Variants in GLG1 observed in about 807,000 individuals in gnomAD.
The protein encoded by GLG1 is golgi glycoprotein 1.
A neutral mutation model predicts 160.5 loss-of-function variants in GLG1; 38 were observed. The ratio of observed to expected loss-of-function variants is 0.24; its 90% CI spans 0.18 to 0.31. The LOEUF (loss-of-function observed/expected upper bound fraction) is 0.31, where lower values mean the gene tolerates loss of function less well. Ranked by LOEUF, GLG1 falls within the 10% of genes least tolerant of loss-of-function variation. The pLI is 1.00. For missense variants in GLG1, 1,373 were observed against 1,505.2 expected (o/e 0.91, Z 1.45); for synonymous variants, 644 against 543.4 (o/e 1.19, Z -2.57).
chr16:74,528,086 C>T (rs2017398898), intron 2 of GLG1, among the ~76,000 whole-genome samples: 1 of 151,844 alleles, frequency 6.6e-6, no homozygotes, highest in South Asian at 2.1e-4. Flanking sequence ...GGGGTTTCAC[C>T]GTGTTAGCCA....
chr16:74,552,149 T>C (rs1469968310), intron 1 of GLG1: 40 of 337,520 alleles, frequency 1.2e-4, no homozygotes. Flanking sequence ...TTCTACGGGA[T>C]GGATTAGCAT....
chr16:74,505,524 A>T (rs983286344), intron 3 of GLG1, among the ~76,000 whole-genome samples: 1 of 152,188 alleles, frequency 6.6e-6, no homozygotes, highest in African/African-American at 2.4e-5. Context: ...GTTTGAGACC[A>T]GCCTCGCCAA....
intron 2 of GLG1, among the ~76,000 whole-genome samples, chr16:74,525,623 G>A (rs1462289448): frequency 6.7e-6 from 1 of 150,100 alleles, no homozygotes; most frequent in African/African-American, 2.5e-5. Flanking sequence ...CAATGATGTT[G>A]AGCATCTTTT....
At chr16:74,472,199 C>A in intron 14 of GLG1, 150 bp downstream of exon 14, 3 of 616,688 alleles carry the variant, frequency 4.9e-6, no homozygotes, top group Middle Eastern at 2.6e-4. Flanking sequence ...CACACCCGGC[C>A]TGTTTACATT....
rs2014383436 is a variant in GLG1, at chr16:74,452,937, A to C, written c.*230T>G. The C allele has an allele frequency of 8.2e-7, 1 of 1,218,988 alleles. No homozygotes were observed. 75.5% of individuals were successfully genotyped at this position (1,218,988 alleles called of 1,614,324 possible). On this transcript the variant is annotated 3_prime_UTR_variant, in exon 26 of 26. Transcript: ENST00000422840. ...CAGGCAGGTAAACCCAAGTTTGCCAAACAAAGGCAGTAACCCCAGCGACCA... is the reference window on the plus strand; with the variant it reads ...CAGGCAGGTAAACCCAAGTTTGCCACACAAAGGCAGTAACCCCAGCGACCA...
At chr16:74,588,416 A>T (rs1219079994) in intron 1 of GLG1, among the ~76,000 whole-genome samples, 6 of 152,242 alleles carry the variant, frequency 3.9e-5, no homozygotes, top group African/African-American at 1.4e-4. Flanking sequence ...TTGGATTTGA[A>T]TTTAAGCTCT....
chr16:74,558,243 G>GT (rs2018405968), intron 1 of GLG1, among the ~76,000 whole-genome samples: 2 of 152,118 alleles, frequency 1.3e-5, no homozygotes, highest in Non-Finnish European at 2.9e-5. Context: ...ACTTTTGGCA[G>GT]TATCACCACA....
intron 1 of GLG1, chr16:74,552,329 G>A (rs568719630): frequency 2.5e-5 from 15 of 590,724 alleles, no homozygotes; most frequent in African/African-American, 2.4e-4. Context: ...CAAGAAGGAT[G>A]TCCACCTTCC....
In GLG1 at chr16:74,498,635, C is replaced by T. The variant is rs1305120961; in HGVS notation, c.775-1991G>A. On this transcript the variant is annotated intron_variant, in intron 4 of 25. Coordinates refer to ENST00000422840, the MANE Select transcript of GLG1 (RefSeq NM_001145667.2). ...ATCCCAGCACTTTGGGAGGCCGAGGCGGGTGGATCATCTGAGGTCAGGAGT... is the reference window on the plus strand; with the variant it reads ...ATCCCAGCACTTTGGGAGGCCGAGGTGGGTGGATCATCTGAGGTCAGGAGT... Among the ~76,000 whole-genome samples, 9 of 148,566 alleles carry T rather than the reference C, an allele frequency of 6.1e-5. No homozygotes were observed. The East Asian group carries it at 1.8e-3, about 29-fold the overall frequency.
At position 74,452,654 on chromosome 16, in the gene GLG1, T is replaced by C. The variant is rs980952573; in HGVS notation, c.*513A>G. 1.0e-6 allele frequency: 1 copy of C among 996,764 alleles called. No homozygotes were observed. Among genetic ancestry groups the C allele is most frequent in the African/African-American group, 1.7e-5 (1 of 57,530 alleles). The allele number at this position is 996,764 out of a possible 1,614,324, so 61.7% of individuals were successfully genotyped here. On this transcript the variant is annotated 3_prime_UTR_variant, in exon 26 of 26. Transcript: ENST00000422840. ...GAGGCCCCAAGGTGCTTCTGAGAGA[T>C]GAACGAGACACCTCAGTCATGGCAC...
rs531720341 is a variant in GLG1 at position 74,574,883 on chromosome 16, CAAAAAAAAAAA to C, written c.438+31763_438+31773del. On this transcript the variant is annotated intron_variant, in intron 1 of 25. Transcript: ENST00000422840. ...TGGGTAAGAGAGCAAGACTCTGTCT[CAAAAAAAAAAA>C]AAAAAAAAAAAAAAAAAAAGACAGA... 7.3e-3 allele frequency among the ~76,000 whole-genome samples: 182 copies of C among 24,786 alleles called. 2 individuals are homozygous for C. The highest frequency in any genetic ancestry group is 0.014 in the South Asian group (4 of 276). The allele number at this position is 24,786 out of a possible 152,430, so 16.3% of individuals were successfully genotyped here.
At chr16:74,581,238 A>C (rs1957931710) in intron 1 of GLG1, among the ~76,000 whole-genome samples, 1 of 152,222 alleles carries the variant, frequency 6.6e-6, no homozygotes, top group Admixed American at 6.5e-5. Flanking sequence ...GGTAGAAGCA[A>C]TTCAAGTGTC....
Position 74,606,781 on chromosome 16 carries a change from C to G in GLG1, c.314G>C (p.Gly105Ala). 1 of 1,605,850 alleles carries G rather than the reference C, an allele frequency of 6.2e-7. No individual in the cohort carries two copies. Among genetic ancestry groups the G allele is most frequent in the South Asian group, 1.1e-5 (1 of 90,516 alleles). Residue 105 changes from glycine (G) to alanine (A), a missense_variant, in exon 1 of 26, where the codon GGG becomes GCG. By Grantham distance (60) the Gly-to-Ala change is moderately conservative (BLOSUM62 0). Around this residue, in one of 4 missense-constraint regions of GLG1, gnomAD observed 322 missense variants for 254.6 expected, o/e 1.26. Coordinates refer to ENST00000422840, the MANE Select transcript of GLG1 (RefSeq NM_001145667.2). ...GGPPARRGGA[G>A]AGGGWKLAEE... is the part of the protein sequence containing the mutation. ...CGCCAGCTTCCAGCCCCCACCAGCC[C>G]CCGCTCCTCCCCGCCGGGCCGGAGG...
At chr16:74,473,585 A>G (rs1278322555) in intron 13 of GLG1, among the ~76,000 whole-genome samples, 1 of 150,472 alleles carries the variant, frequency 6.6e-6, no homozygotes, top group African/African-American at 2.4e-5. Flanking sequence ...GACTACAGGC[A>G]CCCGCCACCA....
intron 1 of GLG1, among the ~76,000 whole-genome samples, chr16:74,533,485 C>T (rs2911471): frequency 3.9e-5 from 6 of 152,044 alleles, no homozygotes; most frequent in Non-Finnish European, 5.9e-5. Context: ...CACCATAAGG[C>T]GGCACCATTT....
intron 23 of GLG1, among the ~76,000 whole-genome samples, chr16:74,458,445 T>G (rs1472366374): frequency 6.6e-6 from 1 of 152,110 alleles, no homozygotes; most frequent in Admixed American, 6.6e-5. Flanking sequence ...ATCCCAGCAC[T>G]TTGGGAGGCC....
chr16:74,502,153 T>C (rs765426008), intron 4 of GLG1, among the ~76,000 whole-genome samples: 27 of 152,322 alleles, frequency 1.8e-4, no homozygotes, highest in Non-Finnish European at 3.8e-4. Flanking sequence ...CCATCATATT[T>C]CCTGAACAGT....
At position 74,451,119 on chromosome 16, in the gene GLG1, T is replaced by G. The variant is rs1160846209; in HGVS notation, c.*2048A>C. The G allele has an allele frequency of 6.6e-6, 1 of 152,330 alleles. No homozygotes were observed. The highest frequency in any genetic ancestry group is 1.5e-5 in the Non-Finnish European group (1 of 68,150). 9.4% of individuals were successfully genotyped at this position (152,330 alleles called of 1,614,324 possible). ...TACATGACATTCCTGGCTCTTGATA[T>G]TAGGCCTCAGCGGCCCCCAGCCCCC... On this transcript the variant is annotated 3_prime_UTR_variant, in exon 26 of 26. Transcript: ENST00000422840.
intron 8 of GLG1, among the ~76,000 whole-genome samples, chr16:74,486,683 T>C (rs62052082): frequency 1.3e-5 from 2 of 152,108 alleles, no homozygotes; most frequent in Non-Finnish European, 2.9e-5. Context: ...ATGAAAAAGC[T>C]CTAAATTAAA....
Sources: allele counts gnomAD v4.1 joint callset (sites outside exome capture counted in the v4.1 genomes callset), GRCh38; gene constraint gnomAD v4.1.1; regional missense constraint gnomAD v4.1.1; transcripts MANE v1.5; gene names NCBI Gene and HGNC (gene_info 2026-07-23, HGNC 2026-07-21).